CRYAB: variants seen among roughly 807,000 people sequenced by gnomAD.
CRYAB encodes the protein crystallin alpha B.
A neutral mutation model predicts 12.7 loss-of-function variants in CRYAB; 9 were observed. The ratio of observed to expected loss-of-function variants is 0.71; its 90% CI spans 0.43 to 1.24. CRYAB has a LOEUF of 1.24. CRYAB is among the 50% of genes most tolerant of loss of function. The pLI is 0.00. For missense variants in CRYAB, 183 were observed against 226.6 expected, an observed-to-expected ratio of 0.81 and a Z score of 1.24; for synonymous variants, 93 against 86.8, an observed-to-expected ratio of 1.07 and a Z score of -0.40.
upstream of CRYAB, chr11:111,913,946 A>G (rs1555165940): frequency 7.0e-7 from 1 of 1,425,244 alleles, no homozygotes; most frequent in South Asian, 1.3e-5. Flanking sequence ...CCAAGGTGAT[A>G]TGGGCAGCTG....
At chr11:111,911,035 C>T (rs1474393749) in intron 1 of CRYAB, 1 of 225,658 alleles carries the variant, frequency 4.4e-6, no homozygotes, top group Non-Finnish European at 8.8e-6. Flanking sequence ...TGATTGGACC[C>T]AGGCCAGCGC....
chr11:111,911,470 G>A (rs1965450413), intron 1 of CRYAB, 54 bp downstream of exon 1: 5 of 1,546,456 alleles, frequency 3.2e-6, no homozygotes, highest in Non-Finnish European at 4.4e-6. Context: ...GGATGGAGAA[G>A]TTTCCAGGAG....
At chr11:111,917,756 G>A (rs117213241), upstream of CRYAB, among the ~76,000 whole-genome samples, 157 of 151,936 alleles carry the variant, frequency 1.0e-3, no homozygotes, top group Non-Finnish European at 1.8e-3. Flanking sequence ...TGAGGGGGGA[G>A]AATCTTTTGA....
In CRYAB at chr11:111,908,592, G is replaced by A; in HGVS notation, c.*172C>T. On this transcript the variant is annotated 3_prime_UTR_variant, in exon 3 of 3. Transcript: ENST00000650687. The stretch of plus-strand genomic sequence containing the variant: ...GTGGTATCTGTATATTTATTTAAAA[G>A]TGTGTGGAATATTCAAACACAAGAC... 1 of 634,632 alleles carries A rather than the reference G, an allele frequency of 1.6e-6. No individual in the cohort carries two copies. The highest frequency in any genetic ancestry group is 2.8e-6 in the Non-Finnish European group (1 of 358,770). 39.3% of individuals were successfully genotyped at this position (634,632 alleles called of 1,614,324 possible).
intron 1 of CRYAB, among the ~76,000 whole-genome samples, chr11:111,920,195 AAAAAT>A (rs1196031817): frequency 6.6e-6 from 1 of 152,030 alleles, no homozygotes; most frequent in African/African-American, 2.4e-5. Flanking sequence ...ACTCCGTCTC[AAAAAT>A]AAAATAAAAT....
chr11:111,909,398 A>C, intron 2 of CRYAB: 2 of 349,956 alleles, frequency 5.7e-6, no homozygotes, highest in Non-Finnish European at 1.1e-5. Flanking sequence ...AAAAAAAATG[A>C]CTCCATCCAA....
At chr11:111,921,927 GGT>G (rs1965706804) in intron 1 of CRYAB, among the ~76,000 whole-genome samples, 1 of 152,094 alleles carries the variant, frequency 6.6e-6, no homozygotes, top group South Asian at 2.1e-4. Flanking sequence ...TAGCCTCCCA[GGT>G]GTAAGCGATT....
upstream of CRYAB, chr11:111,912,990 A>C: frequency 9.7e-7 from 1 of 1,026,914 alleles, no homozygotes; most frequent in Non-Finnish European, 1.3e-6. Flanking sequence ...TGACCTCCCA[A>C]CGTTGCTGGC....
At chr11:111,913,656 C>T (rs150314549), upstream of CRYAB, 60 of 1,614,038 alleles carry the variant, frequency 3.7e-5, no homozygotes, top group Non-Finnish European at 4.5e-5. Flanking sequence ...TGCCCGGCAC[C>T]CCCAGCGCCT....
upstream of CRYAB, among the ~76,000 whole-genome samples, chr11:111,917,586 TG>T (rs1965616302): frequency 6.6e-6 from 1 of 151,116 alleles, no homozygotes; most frequent in South Asian, 2.1e-4. Flanking sequence ...GAGGATTGCT[TG>T]AGGCCAGGAG....
chr11:111,921,874 C>T (rs1442340628), intron 1 of CRYAB, among the ~76,000 whole-genome samples: 1 of 152,002 alleles, frequency 6.6e-6, no homozygotes, highest in Non-Finnish European at 1.5e-5. Context: ...GCTTTATCTC[C>T]CAGTATGGAG....
upstream of CRYAB, among the ~76,000 whole-genome samples, chr11:111,917,792 G>A (rs1965621128): frequency 6.6e-6 from 1 of 151,922 alleles, no homozygotes; most frequent in South Asian, 2.1e-4. Flanking sequence ...GTTGCAGTGA[G>A]CTAGCCACTC....
upstream of CRYAB, chr11:111,912,701 C>G: frequency 2.4e-5 from 10 of 409,976 alleles, no homozygotes; most frequent in East Asian, 6.6e-5. Context: ...AGAGGCTCGG[C>G]ACTATTTTGG....
intron 1 of CRYAB, among the ~76,000 whole-genome samples, chr11:111,911,278 G>T (rs149870660): frequency 6.6e-6 from 1 of 152,318 alleles, no homozygotes; most frequent in Non-Finnish European, 1.5e-5. Context: ...GTATCCTGTA[G>T]AGAAGTTAGG....
At chr11:111,918,993 C>T (rs1555166298) in intron 1 of CRYAB, 7 of 1,614,138 alleles carry the variant, frequency 4.3e-6, no homozygotes, top group Non-Finnish European at 5.9e-6. Flanking sequence ...GGGTCTGCTG[C>T]GGAGGAAGCT....
chr11:111,913,807 A>T, upstream of CRYAB: 1 of 1,614,104 alleles, frequency 6.2e-7, no homozygotes, highest in African/African-American at 1.3e-5. Context: ...CGACATTTGG[A>T]CACAGAGGTC....
chr11:111,920,494 C>T (rs182505572), intron 1 of CRYAB, among the ~76,000 whole-genome samples: 125 of 151,744 alleles, frequency 8.2e-4, no homozygotes, highest in Non-Finnish European at 1.1e-3. Flanking sequence ...GCTGAGATTG[C>T]GCCACTGCAG....
chr11:111,915,212 G>T (rs1460705790), upstream of CRYAB, among the ~76,000 whole-genome samples: 1 of 152,178 alleles, frequency 6.6e-6, no homozygotes, highest in African/African-American at 2.4e-5. Context: ...AATACAATTT[G>T]AATAGGTTCC....
chr11:111,915,290 A>T (rs1168345057), upstream of CRYAB, among the ~76,000 whole-genome samples: 4 of 152,162 alleles, frequency 2.6e-5, no homozygotes, highest in East Asian at 7.7e-4. Flanking sequence ...AACAGAACTC[A>T]CTTGAGGAAT....
Sources: gnomAD v4.1 joint callset for allele counts (sites outside exome capture counted in the v4.1 genomes callset) on GRCh38, gnomAD v4.1.1 for gene constraint, MANE v1.5 for transcripts, NCBI Gene and HGNC (gene_info 2026-07-23, HGNC 2026-07-21) for gene names.